Variants in NHSL1 observed in about 807,000 individuals in gnomAD.
The protein encoded by NHSL1 is NHS-like protein 1.
Under a neutral mutation model 95.0 loss-of-function variants are expected in NHSL1, and 48 were observed. That is an observed-to-expected ratio of 0.51 (90% confidence interval 0.40 to 0.64). The LOEUF (loss-of-function observed/expected upper bound fraction) is 0.64. NHSL1 is among the 30% of genes least tolerant of loss of function. The probability of loss-of-function intolerance (pLI) is 0.00; values close to 1 mark genes in which losing one functional copy is unlikely to be tolerated. For missense variants in NHSL1, 1,971 were observed against 2,077.7 expected (o/e 0.95, Z 1.00); for synonymous variants, 783 against 833.9 (o/e 0.94, Z 1.05).
chr6:138,423,981 G>A lies in NHSL1; in HGVS notation c.*100C>T, dbSNP rs574901838. 8.3e-7 allele frequency: 1 copy of A among 1,206,240 alleles called. No individual in the cohort carries two copies. Among genetic ancestry groups the A allele is most frequent in the Non-Finnish European group, 1.1e-6 (1 of 951,026 alleles). 74.7% of individuals were successfully genotyped at this position (1,206,240 alleles called of 1,614,324 possible). A position where few individuals can be genotyped will look rare whatever the true frequency, so the allele number is the denominator to read the frequency against. ...GGGCCCACAGCACAGAAGCAGAGTGGGCTCCCCGGGTGAGCCAGGGAAGGG... is the reference window on the plus strand; with the variant it reads ...GGGCCCACAGCACAGAAGCAGAGTGAGCTCCCCGGGTGAGCCAGGGAAGGG... On this transcript the variant is annotated 3_prime_UTR_variant, in exon 8 of 8. Transcript: ENST00000343505.
intron 3 of NHSL1, chr6:138,464,118 C>T: frequency 1.9e-6 from 1 of 532,438 alleles, no homozygotes. Flanking sequence ...GCTATCCTCA[C>T]CGCTATCTGG....
rs563509738 is a variant in NHSL1, at chr6:138,536,602, C to CTTTT, written c.16+9017_16+9020dup. 3.4e-4 allele frequency among the ~76,000 whole-genome samples: 27 copies of CTTTT among 80,020 alleles called. 1 individual carries two copies. The highest frequency in any genetic ancestry group is 4.9e-4 in the Non-Finnish European group (20 of 41,192). 52.5% of individuals were successfully genotyped at this position (80,020 alleles called of 152,430 possible). A position where few individuals can be genotyped will look rare whatever the true frequency, so the allele number is the denominator to read the frequency against. Reference sequence around the variant, plus strand: ...GGTTTTGGAGAGGGACATATGTCATCTTTTTTTTTTTTTTTTTTTTTTTTT... The same window carrying CTTTT: ...GGTTTTGGAGAGGGACATATGTCATCTTTTTTTTTTTTTTTTTTTTTTTTTTTTT... On this transcript the variant is annotated intron_variant, in intron 1 of 4. Coordinates refer to the NHSL1 transcript ENST00000342260.
At chr6:138,641,961 CT>C (rs1368981701) in intron 1 of NHSL1, among the ~76,000 whole-genome samples, 2 of 152,046 alleles carry the variant, frequency 1.3e-5, no homozygotes, top group Non-Finnish European at 2.9e-5. Context: ...TCATTTCAGA[CT>C]ATAAAAAGAA....
chr6:138,451,641 C>T (rs1427826368), intron 3 of NHSL1, among the ~76,000 whole-genome samples: 4 of 152,160 alleles, frequency 2.6e-5, no homozygotes, highest in Non-Finnish European at 5.9e-5. Context: ...TTAATCTTCA[C>T]AGTGTTTGCC....
At chr6:138,492,865 T>C (rs1345691651) in intron 2 of NHSL1, among the ~76,000 whole-genome samples, 1 of 152,226 alleles carries the variant, frequency 6.6e-6, no homozygotes, top group Non-Finnish European at 1.5e-5. Flanking sequence ...AGAAACAAAA[T>C]GATTACTCAC....
chr6:138,508,554 T>C (rs1473605730), intron 1 of NHSL1, among the ~76,000 whole-genome samples: 1 of 152,208 alleles, frequency 6.6e-6, no homozygotes, highest in East Asian at 1.9e-4. Flanking sequence ...CCCCATCTTG[T>C]GGTCCAGTTT....
intron 4 of NHSL1, 21 bp from the exon 5 acceptor site, chr6:138,442,135 A>G: frequency 6.6e-7 from 1 of 1,521,322 alleles, no homozygotes; most frequent in Non-Finnish European, 8.8e-7. Context: ...GTAGTAGAAC[A>G]AGCAAAGCAA....
At chr6:138,495,345 T>C (rs1295872218) in intron 2 of NHSL1, among the ~76,000 whole-genome samples, 1 of 152,228 alleles carries the variant, frequency 6.6e-6, no homozygotes, top group Non-Finnish European at 1.5e-5. Context: ...AAGTATACCT[T>C]GCTCATCTGC....
At chr6:138,565,576 G>A (rs1783582954) in intron 1 of NHSL1, among the ~76,000 whole-genome samples, 1 of 152,074 alleles carries the variant, frequency 6.6e-6, no homozygotes, top group Non-Finnish European at 1.5e-5. Flanking sequence ...TGCAAATACA[G>A]CAGACCTTTA....
At position 138,423,094 on chromosome 6, in the gene NHSL1, T is replaced by A. The variant is rs1178224795; in HGVS notation, c.*987A>T. On this transcript the variant is annotated 3_prime_UTR_variant, in exon 8 of 8. Coordinates refer to ENST00000343505, the MANE Select transcript of NHSL1 (RefSeq NM_001144060.2). ...GCCTAATGGAAGTTTAAACTCTGGTTAAAAAAAAAAAAAAAAAAAAACTGT... is the reference window on the plus strand; with the variant it reads ...GCCTAATGGAAGTTTAAACTCTGGTAAAAAAAAAAAAAAAAAAAAAACTGT... The A allele has an allele frequency of 6.2e-5, 8 of 129,930 alleles. No individual in the cohort carries two copies. Among genetic ancestry groups the A allele is most frequent in the African/African-American group, 8.7e-5 (3 of 34,608 alleles). 8.0% of individuals were successfully genotyped at this position (129,930 alleles called of 1,614,324 possible).
intron 1 of NHSL1, among the ~76,000 whole-genome samples, chr6:138,533,116 T>G (rs560600455): frequency 6.6e-6 from 1 of 152,212 alleles, no homozygotes; most frequent in African/African-American, 2.4e-5. Flanking sequence ...AGTGACTTGA[T>G]TGTGAACACA....
intron 1 of NHSL1, among the ~76,000 whole-genome samples, chr6:138,637,747 G>A (rs959814296): frequency 4.6e-5 from 7 of 152,078 alleles, no homozygotes; most frequent in Non-Finnish European, 7.4e-5. Flanking sequence ...CAGAGGATGG[G>A]GAGAAAAGGG....
At chr6:138,677,314 C>T (rs938028282) in intron 1 of NHSL1, among the ~76,000 whole-genome samples, 1 of 152,154 alleles carries the variant, frequency 6.6e-6, no homozygotes, top group African/African-American at 2.4e-5. Flanking sequence ...CCTCTCTCCT[C>T]CAATTTTGTT....
rs549518569 is a variant in NHSL1, at chr6:138,601,361, G to C, written c.96+91115C>G. ...GTAAAACACTGCTGGCAATCTGTTA[G>C]AAAACCCTTTAACCTTTTGTTACAC... On this transcript the variant is annotated intron_variant, in intron 1 of 3. Transcript: ENST00000491526. Among the ~76,000 whole-genome samples the C allele has an allele frequency of 2.3e-4, 35 of 152,300 alleles. No individual in the cohort carries two copies. The South Asian group carries it at 6.6e-3, about 29-fold the overall frequency.
chr6:138,498,719 C>T (rs1382607121), intron 1 of NHSL1, among the ~76,000 whole-genome samples: 2 of 152,160 alleles, frequency 1.3e-5, no homozygotes, highest in East Asian at 1.9e-4. Flanking sequence ...TCAGTCTAGA[C>T]AGTTTGTGCT....
chr6:138,463,673 C>T (rs1250924527), intron 3 of NHSL1, among the ~76,000 whole-genome samples: 4 of 152,042 alleles, frequency 2.6e-5, no homozygotes, highest in Non-Finnish European at 5.9e-5. Flanking sequence ...GGTATTTGCC[C>T]TAATGCTCTC....
At chr6:138,572,059 C>T in exon 1 of NHSL1, 1 of 621,254 alleles carries the variant, frequency 1.6e-6, no homozygotes, top group Non-Finnish European at 2.8e-6. Context: ...AAAAAGACGG[C>T]TTCTGTGTCA....
At chr6:138,653,823 A>G (rs1207509577) in intron 1 of NHSL1, among the ~76,000 whole-genome samples, 2 of 152,228 alleles carry the variant, frequency 1.3e-5, no homozygotes, top group Non-Finnish European at 2.9e-5. Flanking sequence ...AATACATATG[A>G]AATGTTTCAC....
At chr6:138,679,184 T>A (rs1370388498) in intron 1 of NHSL1, among the ~76,000 whole-genome samples, 1 of 152,192 alleles carries the variant, frequency 6.6e-6, no homozygotes, top group Non-Finnish European at 1.5e-5. Flanking sequence ...CCCCATATGT[T>A]GCCAAAAGCA....
Sources: allele counts gnomAD v4.1 joint callset (sites outside exome capture counted in the v4.1 genomes callset), GRCh38; gene constraint gnomAD v4.1.1; transcripts MANE v1.5; gene names NCBI Gene and HGNC (gene_info 2026-07-23, HGNC 2026-07-21).